The following VIPR2 variants were observed in gnomAD, a reference collection of about 807,000 sequenced individuals.
VIPR2 encodes the protein vasoactive intestinal polypeptide receptor 2.
Under a neutral mutation model 58.0 loss-of-function variants are expected in VIPR2, and 48 were observed. That is an observed-to-expected ratio of 0.83 (90% CI 0.66 to 1.05). VIPR2 has a LOEUF of 1.05. Among genes scored for constraint, VIPR2 ranks in the 50% least tolerant of loss-of-function variants. VIPR2 has a pLI of 0.00. For synonymous variants in VIPR2, 243 were observed against 235.2 expected (o/e 1.03, Z -0.30); for missense variants, 534 against 558.0 (o/e 0.96, Z 0.43).
chr7:159,092,478 T>C (rs1226224971), intron 4 of VIPR2, among the ~76,000 whole-genome samples: 1 of 152,108 alleles, frequency 6.6e-6, no homozygotes, highest in Non-Finnish European at 1.5e-5. Flanking sequence ...CCCTTTGAGA[T>C]ATTTATCTTC....
chr7:159,141,963 G>T (rs143147848), intron 2 of VIPR2, among the ~76,000 whole-genome samples: 1 of 152,120 alleles, frequency 6.6e-6, no homozygotes, highest in African/African-American at 2.4e-5. Context: ...CGGAGAAGGC[G>T]ATCTGCACGT....
chr7:159,096,850 C>T lies in VIPR2; in HGVS notation c.357+6907G>A, dbSNP rs1200197907. The T allele has an allele frequency of 1.4e-5, 22 of 1,523,570 alleles. No homozygotes were observed. Among genetic ancestry groups the T allele is most frequent in the Non-Finnish European group, 1.9e-5 (21 of 1,129,908 alleles). The allele number at this position is 1,523,570 out of a possible 1,614,324, so 94.4% of individuals were successfully genotyped here. On this transcript the variant is annotated intron_variant, in intron 4 of 12. Coordinates refer to ENST00000262178, the MANE Select transcript of VIPR2 (RefSeq NM_003382.5). This position sits in a 1 kb window ranked among gnomAD's most constrained non-coding sequence, Gnocchi z 5.5. ...CCCGGCCCACCTCGGGATGCTTCCG[C>T]CGTACTGTGTCCATGGCTGAGACCA...
chr7:159,141,132 A>G (rs76649997), intron 2 of VIPR2, among the ~76,000 whole-genome samples: 10,824 of 152,216 alleles, frequency 0.071, 885 homozygotes, highest in African/African-American at 0.2. Flanking sequence ...AGGACCTCCC[A>G]TGGCCACGCT....
chr7:159,030,865 G>T (rs945534770), intron 12 of VIPR2, 76 bp from the exon 13 acceptor site: 2 of 1,420,484 alleles, frequency 1.4e-6, no homozygotes, highest in Non-Finnish European at 1.8e-6. Flanking sequence ...CGCGGCCCGC[G>T]AGCCTCCAGC....
At chr7:159,079,238 A>C (rs889945709) in intron 4 of VIPR2, among the ~76,000 whole-genome samples, 1 of 152,242 alleles carries the variant, frequency 6.6e-6, no homozygotes, top group Non-Finnish European at 1.5e-5. Context: ...CTCCTCAGCA[A>C]ATGTAAAAGA....
chr7:159,030,438 A>C lies in VIPR2; in HGVS notation c.*178T>G. On this transcript the variant is annotated 3_prime_UTR_variant, in exon 13 of 13. Coordinates refer to ENST00000262178, the MANE Select transcript of VIPR2 (RefSeq NM_003382.5). ...TGCTGGAGTTTAAATCGAGTCAATG[A>C]CAACACGACTCCAATTCCAGGTATG... 1.6e-6 allele frequency: 1 copy of C among 641,654 alleles called. No homozygotes were observed. The allele number at this position is 641,654 out of a possible 1,614,324, so 39.7% of individuals were successfully genotyped here.
intron 5 of VIPR2, among the ~76,000 whole-genome samples, chr7:159,056,395 G>A (rs1467185559): frequency 6.6e-6 from 1 of 152,168 alleles, no homozygotes; most frequent in African/African-American, 2.4e-5. Flanking sequence ...AATACAGAGG[G>A]CTGACTGTAT....
chr7:159,030,444 C>T lies in VIPR2; in HGVS notation c.*172G>A. 1.5e-6 allele frequency: 1 copy of T among 679,864 alleles called. No individual in the cohort carries two copies. Among genetic ancestry groups the T allele is most frequent in the Non-Finnish European group, 2.3e-6 (1 of 444,232 alleles). The allele number at this position is 679,864 out of a possible 1,614,324, so 42.1% of individuals were successfully genotyped here. A position where few individuals can be genotyped will look rare whatever the true frequency, so the allele number is the denominator to read the frequency against. On this transcript the variant is annotated 3_prime_UTR_variant, in exon 13 of 13. Coordinates refer to ENST00000262178, the MANE Select transcript of VIPR2 (RefSeq NM_003382.5). ...AGTTTAAATCGAGTCAATGACAACA[C>T]GACTCCAATTCCAGGTATGGGGTTT...
At chr7:159,081,288 T>G (rs992562256) in intron 4 of VIPR2, among the ~76,000 whole-genome samples, 11 of 152,188 alleles carry the variant, frequency 7.2e-5, no homozygotes, top group South Asian at 4.2e-4. Flanking sequence ...CAATGGAACA[T>G]AACAGAGCCC....
Position 159,093,215 on chromosome 7 carries a change from A to T in VIPR2, c.357+10542T>A, listed in dbSNP as rs1003394469. On this transcript the variant is annotated intron_variant, in intron 4 of 12. Transcript: ENST00000262178. This position sits in a 1 kb window ranked among gnomAD's most constrained non-coding sequence, Gnocchi z 6.7. Reference sequence around the variant, plus strand: ...GAGAGGTAAACGTCATTATATTTTTAAAAACACTGTAGACTTTGAGAACTT... The same window carrying T: ...GAGAGGTAAACGTCATTATATTTTTTAAAACACTGTAGACTTTGAGAACTT... Among the ~76,000 whole-genome samples the T allele has an allele frequency of 1.4e-4, 21 of 152,306 alleles. No homozygotes were observed. In the South Asian group the frequency reaches 1.5e-3, roughly 11 times the overall value.
At chr7:159,117,103 G>C (rs1585532834) in intron 2 of VIPR2, 5 of 564,560 alleles carry the variant, frequency 8.9e-6, no homozygotes, top group South Asian at 6.7e-5. Context: ...TCCTCACACT[G>C]GGGAGGAGAC....
chr7:159,075,891 G>A (rs926805396), intron 4 of VIPR2, among the ~76,000 whole-genome samples: 1 of 151,868 alleles, frequency 6.6e-6, no homozygotes, highest in African/African-American at 2.4e-5. Context: ...GCCCAGGGCC[G>A]GCACCCAAGG....
intron 12 of VIPR2, 122 bp from the exon 13 acceptor site, chr7:159,030,911 G>A (rs753968643): frequency 2.1e-5 from 27 of 1,282,074 alleles, no homozygotes; most frequent in Non-Finnish European, 2.8e-5. Context: ...TGTGTTGCCA[G>A]CAGATGGACA....
At position 159,045,230 on chromosome 7, in the gene VIPR2, G is replaced by A. The variant is rs563344268; in HGVS notation, c.456-2054C>T. 2.0e-4 allele frequency among the ~76,000 whole-genome samples: 31 copies of A among 152,318 alleles called. No homozygotes were observed. In the South Asian group the frequency reaches 2.9e-3, roughly 14 times the overall value. ...AATTCCATCAAGTGCACCAGCACAC[G>A]CATGGGGGAGTGCCAAAATGATGAT... On this transcript the variant is annotated intron_variant, in intron 5 of 12. Coordinates refer to ENST00000262178, the MANE Select transcript of VIPR2 (RefSeq NM_003382.5).
At chr7:159,108,294 C>T (rs1386540284) in intron 3 of VIPR2, among the ~76,000 whole-genome samples, 1 of 152,240 alleles carries the variant, frequency 6.6e-6, no homozygotes, top group Non-Finnish European at 1.5e-5. Context: ...CAAAGGATGC[C>T]CATTTAATGC....
intron 4 of VIPR2, among the ~76,000 whole-genome samples, chr7:159,086,632 T>C (rs1156750773): frequency 6.6e-6 from 1 of 152,212 alleles, no homozygotes; most frequent in East Asian, 1.9e-4. Flanking sequence ...CCTCTTTACA[T>C]GGGCCACCTG....
intron 4 of VIPR2, among the ~76,000 whole-genome samples, chr7:159,075,737 G>C (rs1279391584): frequency 6.7e-6 from 1 of 149,884 alleles, no homozygotes; most frequent in Admixed American, 6.6e-5. Flanking sequence ...AGCACCCACG[G>C]ACCCACTGCA....
intron 4 of VIPR2, among the ~76,000 whole-genome samples, chr7:159,101,894 T>A (rs1342066473): frequency 7.1e-6 from 1 of 140,478 alleles, no homozygotes; most frequent in Non-Finnish European, 1.5e-5. Context: ...AGTGAACGGG[T>A]CTCACGAGAT....
chr7:159,129,785 G>C (rs1289275598), intron 2 of VIPR2, among the ~76,000 whole-genome samples: 83 of 129,038 alleles, frequency 6.4e-4, no homozygotes, highest in African/African-American at 2.5e-3. Flanking sequence ...CTGGCCTCTG[G>C]GGGGGACAGG....
Sources: gnomAD v4.1 joint callset for allele counts (sites outside exome capture counted in the v4.1 genomes callset) on GRCh38, gnomAD v4.1.1 for gene constraint, Gnocchi (gnomAD v3.1) non-coding constraint, MANE v1.5 for transcripts, NCBI Gene and HGNC (gene_info 2026-07-23, HGNC 2026-07-21) for gene names.